ANKRD12: variants seen among roughly 807,000 people sequenced by gnomAD.
ANKRD12 encodes the protein ankyrin repeat domain 12.
ANKRD12 carries 85 observed loss-of-function variants against 183.4 expected under a neutral mutation model. The ratio of observed to expected loss-of-function variants is 0.46; its 90% confidence interval spans 0.39 to 0.56. The LOEUF (loss-of-function observed/expected upper bound fraction) is 0.56. ANKRD12 is among the 20% of genes least tolerant of loss of function. ANKRD12 has a pLI of 0.00. For synonymous variants in ANKRD12, 914 were observed against 800.2 expected (o/e 1.14, Z -2.40); for missense variants, 2,405 against 2,357.1 (o/e 1.02, Z -0.42).
chr18:9,222,914 AAAC>A (rs1458163254), intron 8 of ANKRD12, among the ~76,000 whole-genome samples: 1 of 152,208 alleles, frequency 6.6e-6, no homozygotes, highest in Non-Finnish European at 1.5e-5. Context: ...GCCAAATTAT[AAAC>A]AAAAGAAAAT....
At chr18:9,212,393 T>C (rs974848252) in intron 6 of ANKRD12, among the ~76,000 whole-genome samples, 2 of 152,006 alleles carry the variant, frequency 1.3e-5, no homozygotes, top group East Asian at 1.9e-4. Flanking sequence ...TACTTACTTA[T>C]ATATTGGCTT....
chr18:9,265,345 C>A (rs570366374), intron 10 of ANKRD12, among the ~76,000 whole-genome samples: 1 of 152,186 alleles, frequency 6.6e-6, no homozygotes, highest in Non-Finnish European at 1.5e-5. Flanking sequence ...GGTCCCTGAC[C>A]CCCGAGTAGC....
At position 9,258,672 on chromosome 18, in the gene ANKRD12, T is replaced by C. The variant is rs1480561352; in HGVS notation, c.5405T>C (p.Leu1802Ser). Residue 1802 changes from leucine (L) to serine (S), a missense_variant, in exon 9 of 13, where the codon TTA (leucine) becomes TCA (serine). Coordinates refer to ENST00000262126, the MANE Select transcript of ANKRD12 (RefSeq NM_015208.5). ...CAGCCTGTGCAAGTGAGTCCCTCTT[T>C]ACTACAAGCAAAAGAGAAAACTCAG... ...VPQPVQVSPS[L>S]LQAKEKTQQS... 2 of 1,613,910 alleles carry C rather than the reference T, an allele frequency of 1.2e-6. No homozygotes were observed. The highest frequency in any genetic ancestry group is 2.2e-5 in the South Asian group (2 of 91,062).
At chr18:9,143,520 G>A (rs1384733364) in intron 1 of ANKRD12, among the ~76,000 whole-genome samples, 1 of 152,148 alleles carries the variant, frequency 6.6e-6, no homozygotes, top group Non-Finnish European at 1.5e-5. Context: ...GAGTGTAAAG[G>A]CATGATCTTG....
chr18:9,280,103 C>A (rs1391311866), intron 12 of ANKRD12, among the ~76,000 whole-genome samples: 1 of 152,142 alleles, frequency 6.6e-6, no homozygotes, highest in African/African-American at 2.4e-5. Context: ...GCAGTCCCAA[C>A]CTTTTTGGCA....
At chr18:9,238,695 C>A (rs187659934) in intron 8 of ANKRD12, among the ~76,000 whole-genome samples, 18 of 152,314 alleles carry the variant, frequency 1.2e-4, no homozygotes, top group African/African-American at 4.1e-4. Flanking sequence ...TGACTCCTGT[C>A]AATTTCAGCT....
At chr18:9,213,557 A>G (rs1355700062) in intron 6 of ANKRD12, among the ~76,000 whole-genome samples, 1 of 151,956 alleles carries the variant, frequency 6.6e-6, no homozygotes, top group Non-Finnish European at 1.5e-5. Context: ...TATGTTGTAG[A>G]AAAGTATAAT....
intron 8 of ANKRD12, among the ~76,000 whole-genome samples, chr18:9,242,684 T>G (rs1363720488): frequency 1.3e-5 from 2 of 152,198 alleles, no homozygotes; most frequent in Non-Finnish European, 2.9e-5. Flanking sequence ...AATCAAATTC[T>G]GTTTTACTGA....
intron 8 of ANKRD12, among the ~76,000 whole-genome samples, chr18:9,250,749 T>A (rs941748113): frequency 6.6e-6 from 1 of 152,022 alleles, no homozygotes; most frequent in East Asian, 1.9e-4. Flanking sequence ...AAATCAAAAC[T>A]CTGAATGGCT....
In ANKRD12 at chr18:9,208,816, A is replaced by T; in HGVS notation, c.451+13A>T. On this transcript the variant is annotated intron_variant, in intron 5 of 12. Coordinates refer to ENST00000262126, the MANE Select transcript of ANKRD12 (RefSeq NM_015208.5). Reference sequence around the variant, plus strand: ...GACAACAGTCCAGGTGATACCTACCATCATTGAGTTAATGTGTATCCCTAG... The same window carrying T: ...GACAACAGTCCAGGTGATACCTACCTTCATTGAGTTAATGTGTATCCCTAG... The T allele has an allele frequency of 6.5e-7, 1 of 1,532,154 alleles. No homozygotes were observed. The highest frequency in any genetic ancestry group is 1.4e-5 in the African/African-American group (1 of 72,122). 94.9% of individuals were successfully genotyped at this position (1,532,154 alleles called of 1,614,324 possible). A position where few individuals can be genotyped will look rare whatever the true frequency, so the allele number is the denominator to read the frequency against.
rs990121510 is a variant in ANKRD12, at chr18:9,254,674, A to G, written c.1407A>G (p.Lys469=). ...EYVVSGEHKQ[K]GKVKRKLKNQ... ...TAGTTTCAGGTGAACACAAACAGAA[A>G]GGCAAAGTTAAAAGAAAATTGAAAA... The change falls in exon 9 of 13, where the codon AAA becomes AAG. Residue 469 remains lysine (K), a synonymous_variant. Transcript: ENST00000262126. The G allele has an allele frequency of 1.3e-6, 2 of 1,539,278 alleles. No homozygotes were observed. Among genetic ancestry groups the G allele is most frequent in the Non-Finnish European group, 1.7e-6 (2 of 1,146,576 alleles).
At chr18:9,182,334 C>CTTCAGGTAGTTT (rs60039834) in intron 1 of ANKRD12, 48 bp from the exon 2 acceptor site, 111 of 507,730 alleles carry the variant, frequency 2.2e-4, no homozygotes, top group African/African-American at 1.9e-3. Context: ...TGGTGCGTAA[C>CTTCAGGTAGTTT]CTATTGTATA....
chr18:9,212,015 T>G (rs955421487), intron 6 of ANKRD12, among the ~76,000 whole-genome samples: 1 of 152,142 alleles, frequency 6.6e-6, no homozygotes, highest in Non-Finnish European at 1.5e-5. Flanking sequence ...AGTTGACATA[T>G]TACTTGCTGT....
intron 8 of ANKRD12, among the ~76,000 whole-genome samples, chr18:9,228,601 T>C (rs2036859841): frequency 6.6e-6 from 1 of 152,118 alleles, no homozygotes; most frequent in South Asian, 2.1e-4. Context: ...ATATTAGCCA[T>C]TTGTATCTTT....
intron 8 of ANKRD12, among the ~76,000 whole-genome samples, chr18:9,245,593 C>G (rs924388998): frequency 1.3e-5 from 2 of 152,134 alleles, no homozygotes; most frequent in African/African-American, 4.8e-5. Flanking sequence ...GTGAATATCT[C>G]AGAATCAGGT....
chr18:9,213,873 C>CT (rs1242385566), intron 6 of ANKRD12, among the ~76,000 whole-genome samples: 1 of 151,816 alleles, frequency 6.6e-6, no homozygotes, highest in Non-Finnish European at 1.5e-5. Context: ...TTTTTGTTTA[C>CT]TGAAAGACTC....
intron 10 of ANKRD12, among the ~76,000 whole-genome samples, 174 bp from the exon 11 acceptor site, chr18:9,275,350 G>A (rs2039782176): frequency 6.6e-6 from 1 of 152,030 alleles, no homozygotes; most frequent in Non-Finnish European, 1.5e-5. Flanking sequence ...GCACATGCCT[G>A]TAGTCCCAAC....
chr18:9,172,590 C>G (rs2032849682), intron 1 of ANKRD12, among the ~76,000 whole-genome samples: 1 of 152,218 alleles, frequency 6.6e-6, no homozygotes, highest in African/African-American at 2.4e-5. Context: ...ATGCTCCTCT[C>G]TAAACTGGCT....
chr18:9,192,861 T>A (rs980746367), intron 2 of ANKRD12, among the ~76,000 whole-genome samples: 1 of 151,770 alleles, frequency 6.6e-6, no homozygotes, highest in Non-Finnish European at 1.5e-5. Context: ...TTTAAAAATT[T>A]TTTATGGCGA....
Sources: allele counts gnomAD v4.1 joint callset (sites outside exome capture counted in the v4.1 genomes callset), GRCh38; gene constraint gnomAD v4.1.1; transcripts MANE v1.5; gene names NCBI Gene and HGNC (gene_info 2026-07-23, HGNC 2026-07-21).